The following ASIC2 variants were observed in gnomAD, a reference collection of about 807,000 sequenced individuals.
The protein encoded by ASIC2 is acid sensing ion channel subunit 2, also known as acid-sensing ion channel 2.
In ASIC2, 25 loss-of-function variants were observed where a neutral mutation model predicts 57.3. The observed-to-expected ratio is 0.44, with a 90% confidence interval of 0.32 to 0.61. ASIC2 has a LOEUF of 0.61. Among genes scored for constraint, ASIC2 ranks in the 20% least tolerant of loss-of-function variants. The probability of loss-of-function intolerance (pLI) is 0.06; values close to 1 mark genes in which losing one functional copy is unlikely to be tolerated. For synonymous variants in ASIC2, 319 were observed against 307.5 expected (o/e 1.04, Z -0.39); for missense variants, 641 against 738.1 (o/e 0.87, Z 1.52).
At chr17:33,536,156 A>G (rs184868263) in intron 1 of ASIC2, among the ~76,000 whole-genome samples, 3 of 151,552 alleles carry the variant, frequency 2.0e-5, no homozygotes, top group Admixed American at 1.3e-4. Context: ...AGTGACGTTC[A>G]TGTGCTTCTG....
intron 1 of ASIC2, among the ~76,000 whole-genome samples, chr17:33,348,839 C>G (rs1908052424): frequency 6.6e-6 from 1 of 152,010 alleles, no homozygotes; most frequent in Non-Finnish European, 1.5e-5. Context: ...AAAGGTACCA[C>G]CTAACCTAGA....
At chr17:33,147,016 G>A (rs1163222704) in intron 1 of ASIC2, among the ~76,000 whole-genome samples, 1 of 152,108 alleles carries the variant, frequency 6.6e-6, no homozygotes, top group Non-Finnish European at 1.5e-5. Context: ...ATCTTCTAAA[G>A]AACTATACTC....
intron 1 of ASIC2, among the ~76,000 whole-genome samples, chr17:33,465,231 T>C (rs1912823447): frequency 1.3e-5 from 2 of 152,222 alleles, no homozygotes; most frequent in African/African-American, 4.8e-5. Context: ...TGGTTTCTAA[T>C]GCTTTCCTCC....
intron 1 of ASIC2, chr17:34,051,817 G>GA (rs1016512607): frequency 4.1e-5 from 5 of 121,912 alleles, no homozygotes; most frequent in African/African-American, 2.1e-4. Context: ...AGAATTTTCT[G>GA]AACACACACA....
chr17:33,015,174 T>C (rs2091799208), intron 9 of ASIC2, among the ~76,000 whole-genome samples: 1 of 152,234 alleles, frequency 6.6e-6, no homozygotes, highest in East Asian at 1.9e-4. Context: ...TTGGATTTGT[T>C]GATATTAAGT....
chr17:33,449,278 TC>T (rs34057095), intron 1 of ASIC2, among the ~76,000 whole-genome samples: 2,784 of 152,174 alleles, frequency 0.018, 106 homozygotes, highest in African/African-American at 0.063. Flanking sequence ...GCTGCTTCCT[TC>T]CTCCCCTCTA....
intron 1 of ASIC2, among the ~76,000 whole-genome samples, chr17:33,814,133 C>A (rs1912510319): frequency 6.6e-6 from 1 of 152,052 alleles, no homozygotes. Context: ...GGTAGCTTCA[C>A]CTCAGTCTTT....
chr17:33,475,505 C>T (rs1043578222), intron 1 of ASIC2, among the ~76,000 whole-genome samples: 3 of 152,052 alleles, frequency 2.0e-5, no homozygotes, highest in Non-Finnish European at 4.4e-5. Flanking sequence ...TTGCACTCAA[C>T]GTTATGTGAA....
chr17:34,126,598 C>T (rs1317239925), intron 1 of ASIC2, among the ~76,000 whole-genome samples: 1 of 152,170 alleles, frequency 6.6e-6, no homozygotes, highest in African/African-American at 2.4e-5. Context: ...TGATCCATTA[C>T]CTCTCATCCA....
intron 1 of ASIC2, among the ~76,000 whole-genome samples, chr17:33,669,789 C>T (rs1907587949): frequency 2.0e-5 from 3 of 152,300 alleles, no homozygotes; most frequent in Middle Eastern, 3.4e-3. Flanking sequence ...ATATCTTCCC[C>T]TCCTGTTTTG....
chr17:34,114,181 C>G (rs1039807416), intron 1 of ASIC2, among the ~76,000 whole-genome samples: 7 of 152,170 alleles, frequency 4.6e-5, no homozygotes, highest in Admixed American at 2.6e-4. Flanking sequence ...GTGCAGTTGT[C>G]CAAGCTGGCT....
intron 2 of ASIC2, among the ~76,000 whole-genome samples, chr17:33,095,334 G>A (rs548099127): frequency 6.6e-6 from 1 of 152,114 alleles, no homozygotes; most frequent in Admixed American, 6.5e-5. Context: ...CCCTCCATTC[G>A]GTGCCCCAAT....
chr17:33,641,359 G>T (rs1413911939), intron 1 of ASIC2, among the ~76,000 whole-genome samples: 1 of 152,198 alleles, frequency 6.6e-6, no homozygotes, highest in Non-Finnish European at 1.5e-5. Context: ...CACACGCTCA[G>T]CATATACTAT....
chr17:34,095,745 A>T (rs1485525501), intron 1 of ASIC2, among the ~76,000 whole-genome samples: 3 of 143,762 alleles, frequency 2.1e-5, no homozygotes, highest in African/African-American at 7.8e-5. Flanking sequence ...ATAATTTTAT[A>T]TATATATATA....
At chr17:33,322,079 C>T (rs1293581739) in intron 1 of ASIC2, among the ~76,000 whole-genome samples, 1 of 152,164 alleles carries the variant, frequency 6.6e-6, no homozygotes, top group African/African-American at 2.4e-5. Flanking sequence ...GTGGTGGAAC[C>T]GGTCCAGAAT....
intron 1 of ASIC2, among the ~76,000 whole-genome samples, chr17:33,625,934 C>T (rs574437114): frequency 1.2e-4 from 19 of 152,312 alleles, no homozygotes; most frequent in Admixed American, 1.0e-3. Context: ...ACCAACCAAC[C>T]TCCTCTTAGA....
intron 1 of ASIC2, among the ~76,000 whole-genome samples, chr17:33,332,447 G>A (rs758232248): frequency 1.3e-3 from 195 of 152,218 alleles, no homozygotes; most frequent in Non-Finnish European, 7.9e-4. Flanking sequence ...GAATCTTGGC[G>A]ATCTGGTGTG....
chr17:33,264,890 G>A (rs966077631), intron 1 of ASIC2, among the ~76,000 whole-genome samples: 1 of 152,246 alleles, frequency 6.6e-6, no homozygotes, highest in Non-Finnish European at 1.5e-5. Flanking sequence ...AACCACATGT[G>A]TTGGGGGAAA....
At chr17:34,037,702 T>C in intron 1 of ASIC2, 1 of 1,614,088 alleles carries the variant, frequency 6.2e-7, no homozygotes. Flanking sequence ...AGACTGACTT[T>C]TGGATGTGAG....
Sources: allele counts gnomAD v4.1 joint callset (sites outside exome capture counted in the v4.1 genomes callset), GRCh38; gene constraint gnomAD v4.1.1; transcripts MANE v1.5; gene names NCBI Gene and HGNC (gene_info 2026-07-23, HGNC 2026-07-21).